NXPE2: variants seen among roughly 807,000 people sequenced by gnomAD.
NXPE2 encodes the protein neurexophilin and PC-esterase domain family member 2, also known as NXPE family member 2.
A neutral mutation model predicts 34.4 loss-of-function variants in NXPE2; 34 were observed. The ratio of observed to expected loss-of-function variants is 0.99; its 90% CI spans 0.75 to 1.31. NXPE2 has a LOEUF of 1.31. Ranked by LOEUF, NXPE2 falls within the 40% of genes most tolerant of loss-of-function variation. The pLI, the probability that NXPE2 is intolerant of heterozygous loss-of-function variation, is 0.00. For missense variants in NXPE2, 649 were observed against 672.5 expected (o/e 0.97, Z 0.39); for synonymous variants, 235 against 231.3 (o/e 1.02, Z -0.15).
At chr11:114,750,696 C>T in the NXPE2 span, among the ~76,000 whole-genome samples, 3 of 152,274 alleles carry the variant, frequency 2.0e-5, no homozygotes, top group South Asian at 6.2e-4. Flanking sequence ...TGATCTACTT[C>T]CCAAGTTACA....
chr11:114,535,572 A>T, the NXPE2 span, among the ~76,000 whole-genome samples: 1 of 152,210 alleles, frequency 6.6e-6, no homozygotes, highest in Non-Finnish European at 1.5e-5. Context: ...GGCTCAAAAT[A>T]AAGGGATGGA....
At chr11:114,797,396 C>A in the NXPE2 span, among the ~76,000 whole-genome samples, 1 of 152,190 alleles carries the variant, frequency 6.6e-6, no homozygotes, top group Non-Finnish European at 1.5e-5. Flanking sequence ...TATTTTCTCT[C>A]CTTCTGGGCC....
the NXPE2 span, among the ~76,000 whole-genome samples, chr11:114,656,883 G>A: frequency 1.1e-4 from 17 of 152,072 alleles, no homozygotes; most frequent in Middle Eastern, 3.2e-3. Context: ...ACAAGGTCAG[G>A]GGATCGAGAC....
the NXPE2 span, among the ~76,000 whole-genome samples, chr11:114,562,802 T>C: frequency 6.6e-6 from 1 of 152,204 alleles, no homozygotes; most frequent in African/African-American, 2.4e-5. Flanking sequence ...GTTCAAACAA[T>C]GTAATCAAGC....
the NXPE2 span, among the ~76,000 whole-genome samples, chr11:114,637,840 G>A: frequency 9.9e-5 from 15 of 152,026 alleles, no homozygotes; most frequent in African/African-American, 3.4e-4. Flanking sequence ...TCTGCTGTTA[G>A]TCTGATGGGC....
chr11:114,704,064 GTGT>G lies in NXPE2; in HGVS notation c.928+19_928+21del, dbSNP rs1205400121. 2 of 1,541,714 alleles carry G rather than the reference GTGT, an allele frequency of 1.3e-6. No individual in the cohort carries two copies. The highest frequency in any genetic ancestry group is 1.4e-5 in the African/African-American group (1 of 72,910). On this transcript the variant is annotated intron_variant, in intron 4 of 5. Transcript: ENST00000389586. ...CATACCATGCAACAGTAAGTCTGGAGTGTTGTTGTCTGCCATGATCACAATTTA... is the reference window on the plus strand; with the variant it reads ...CATACCATGCAACAGTAAGTCTGGAGTGTTGTCTGCCATGATCACAATTTA...
At chr11:114,741,575 T>G in the NXPE2 span, among the ~76,000 whole-genome samples, 1 of 152,192 alleles carries the variant, frequency 6.6e-6, no homozygotes, top group Non-Finnish European at 1.5e-5. Context: ...TTCTTTCTTT[T>G]GCTTGACCAA....
At chr11:114,720,503 G>A in the NXPE2 span, among the ~76,000 whole-genome samples, 5 of 152,326 alleles carry the variant, frequency 3.3e-5, no homozygotes, top group African/African-American at 1.2e-4. Context: ...GAAAGCTTCT[G>A]GGTCAAAAGC....
chr11:114,519,241 G>A, the NXPE2 span, among the ~76,000 whole-genome samples: 13 of 152,218 alleles, frequency 8.5e-5, no homozygotes, highest in African/African-American at 3.1e-4. Flanking sequence ...TGGCAAAAAG[G>A]TTCATTCTGT....
At chr11:114,795,716 T>TTCTA in the NXPE2 span, among the ~76,000 whole-genome samples, 33 of 152,322 alleles carry the variant, frequency 2.2e-4, no homozygotes, top group African/African-American at 6.0e-4. Context: ...TGGCAAATTG[T>TTCTA]TCTATCTATC....
the NXPE2 span, among the ~76,000 whole-genome samples, chr11:114,811,714 C>T: frequency 6.6e-6 from 1 of 152,140 alleles, no homozygotes; most frequent in Non-Finnish European, 1.5e-5. Context: ...AGGACAGGAT[C>T]CAGGCACCAA....
At chr11:114,752,704 C>T in the NXPE2 span, among the ~76,000 whole-genome samples, 8 of 152,232 alleles carry the variant, frequency 5.3e-5, no homozygotes, top group East Asian at 1.4e-3. Flanking sequence ...GACAGAGCTG[C>T]CATTGACCAA....
chr11:114,532,475 A>G, the NXPE2 span, among the ~76,000 whole-genome samples: 1 of 152,200 alleles, frequency 6.6e-6, no homozygotes, highest in South Asian at 2.1e-4. Context: ...GAATAAGAAT[A>G]TAATCATCAT....
At chr11:114,661,141 G>T in the NXPE2 span, among the ~76,000 whole-genome samples, 1 of 152,098 alleles carries the variant, frequency 6.6e-6, no homozygotes, top group African/African-American at 2.4e-5. Context: ...GTTTGTGGAT[G>T]GGCAGGTTCA....
At chr11:114,628,397 G>A in the NXPE2 span, among the ~76,000 whole-genome samples, 29 of 152,282 alleles carry the variant, frequency 1.9e-4, no homozygotes, top group African/African-American at 7.0e-4. Context: ...CATGGAAACT[G>A]AACAACCTGC....
At chr11:114,465,770 C>A in the NXPE2 span, among the ~76,000 whole-genome samples, 1 of 152,152 alleles carries the variant, frequency 6.6e-6, no homozygotes, top group South Asian at 2.1e-4. Context: ...TCAAGGTCAG[C>A]CTGGACAGTA....
the NXPE2 span, among the ~76,000 whole-genome samples, chr11:114,652,010 A>C: frequency 6.6e-6 from 1 of 152,220 alleles, no homozygotes; most frequent in Non-Finnish European, 1.5e-5. Context: ...TGGAACTTGA[A>C]ACTCAATTGG....
chr11:114,568,676 C>G, the NXPE2 span, among the ~76,000 whole-genome samples: 1 of 152,158 alleles, frequency 6.6e-6, no homozygotes, highest in Non-Finnish European at 1.5e-5. Context: ...CTGTCTTCCT[C>G]CATTTTGTCT....
At chr11:114,760,343 A>G in the NXPE2 span, among the ~76,000 whole-genome samples, 2 of 152,172 alleles carry the variant, frequency 1.3e-5, no homozygotes, top group Non-Finnish European at 2.9e-5. Context: ...CGGTGCCCCA[A>G]TCCTAGACTT....
Sources: gnomAD v4.1 joint callset for allele counts (sites outside exome capture counted in the v4.1 genomes callset) on GRCh38, gnomAD v4.1.1 for gene constraint, MANE v1.5 for transcripts, NCBI Gene and HGNC (gene_info 2026-07-23, HGNC 2026-07-21) for gene names.